The following HMCN1 variants were observed in gnomAD, a reference collection of about 807,000 sequenced individuals.
The protein encoded by HMCN1 is hemicentin-1.
Under a neutral mutation model 625.9 loss-of-function variants are expected in HMCN1, and 321 were observed. That is an observed-to-expected ratio of 0.51 (90% CI 0.47 to 0.56). The LOEUF (loss-of-function observed/expected upper bound fraction) is 0.56, where lower values mean the gene tolerates loss of function less well. Among genes scored for constraint, HMCN1 ranks in the 20% least tolerant of loss-of-function variants. The pLI is 0.00. For missense variants in HMCN1, 6,588 were observed against 6,887.3 expected (o/e 0.96, Z 1.54); for synonymous variants, 2,425 against 2,417.6 (o/e 1.00, Z -0.09).
chr1:185,970,244 C>A, intron 14 of HMCN1, 91 bp from the exon 15 acceptor site: 1 of 1,251,608 alleles, frequency 8.0e-7, no homozygotes, highest in Non-Finnish European at 1.2e-6. Context: ...TTGCAATCAA[C>A]TTTATTTGGA....
intron 58 of HMCN1, 58 bp downstream of exon 58, chr1:186,086,465 A>G (rs1659479452): frequency 6.5e-7 from 1 of 1,528,590 alleles, no homozygotes; most frequent in Non-Finnish European, 9.0e-7. Context: ...TTTAATACAA[A>G]CAGCATTTCA....
At chr1:186,137,049 A>T in intron 87 of HMCN1, 112 bp downstream of exon 87, 2 of 1,281,498 alleles carry the variant, frequency 1.6e-6, no homozygotes, top group Non-Finnish European at 2.2e-6. Flanking sequence ...ATACTTTTAG[A>T]TGATGGGGAG....
At chr1:185,886,707 GC>G (rs1315099613) in intron 4 of HMCN1, among the ~76,000 whole-genome samples, 1 of 151,570 alleles carries the variant, frequency 6.6e-6, no homozygotes, top group Non-Finnish European at 1.5e-5. Context: ...CAGCTCTCTT[GC>G]CCAAGTCTTC....
At chr1:186,174,910 A>G (rs768425357) in intron 103 of HMCN1, among the ~76,000 whole-genome samples, 1 of 152,222 alleles carries the variant, frequency 6.6e-6, no homozygotes, top group Non-Finnish European at 1.5e-5. Flanking sequence ...TTCTGATATA[A>G]TTGCCATCAC....
chr1:186,020,256 T>TAGATAGAC (rs1371899255), intron 35 of HMCN1, among the ~76,000 whole-genome samples: 2 of 151,742 alleles, frequency 1.3e-5, no homozygotes, highest in Non-Finnish European at 2.9e-5. Context: ...GATAGATAGA[T>TAGATAGAC]AGATAGATAG....
intron 1 of HMCN1, among the ~76,000 whole-genome samples, chr1:185,828,820 T>C (rs1024692465): frequency 6.6e-6 from 1 of 151,896 alleles, no homozygotes; most frequent in African/African-American, 2.4e-5. Context: ...AAAACAAAGG[T>C]AATATAAACA....
intron 105 of HMCN1, among the ~76,000 whole-genome samples, chr1:186,185,435 A>G (rs182851403): frequency 2.6e-5 from 4 of 152,352 alleles, no homozygotes; most frequent in African/African-American, 9.6e-5. Flanking sequence ...TGATAAAATC[A>G]TAATTAGAAA....
chr1:185,930,619 A>G (rs1470145043), intron 10 of HMCN1, among the ~76,000 whole-genome samples: 1 of 152,082 alleles, frequency 6.6e-6, no homozygotes, highest in Non-Finnish European at 1.5e-5. Flanking sequence ...TTCTACCAAT[A>G]TGTCGCCTCA....
At position 186,090,791 on chromosome 1, in the gene HMCN1, G is replaced by A. The variant is rs780103411; in HGVS notation, c.9761G>A (p.Ser3254Asn). The A allele has an allele frequency of 6.2e-7, 1 of 1,612,534 alleles. No homozygotes were observed. The highest frequency in any genetic ancestry group is 8.5e-7 in the Non-Finnish European group (1 of 1,179,016). ...PPSVAGAEIPSDVSVLLGENV... is the reference protein window; with the variant it reads ...PPSVAGAEIPNDVSVLLGENV... The stretch of plus-strand genomic sequence containing the variant: ...AGTGTTGCTGGTGCTGAAATTCCAA[G>A]TGATGTCAGTGTCCTTCTAGGAGAA... Residue 3254 changes from serine (S) to asparagine (N), a missense_variant, in exon 64 of 107, where the codon AGT becomes AAT. By Grantham distance (46) the Ser-to-Asn change is conservative (BLOSUM62 1). Coordinates refer to ENST00000271588, the MANE Select transcript of HMCN1 (RefSeq NM_031935.3).
intron 1 of HMCN1, among the ~76,000 whole-genome samples, chr1:185,835,273 G>A (rs1268280606): frequency 1.3e-5 from 2 of 152,190 alleles, no homozygotes; most frequent in African/African-American, 4.8e-5. Flanking sequence ...CAGTTGGTAT[G>A]GGTGCACTGA....
chr1:185,858,586 ATTTTTTTTTTTTTTTTTTTTTTTTTTTTT>A (rs71101980), intron 2 of HMCN1, among the ~76,000 whole-genome samples: 435 of 34,736 alleles, frequency 0.013, 8 homozygotes, highest in African/African-American at 0.045. Flanking sequence ...CACCCAGCTA[ATTTTTTTTTTTTTTTTTTTTTTTTTTTTT>A]TTTTTTTTTT....
intron 32 of HMCN1, 121 bp from the exon 33 acceptor site, chr1:186,016,842 A>C: frequency 1.4e-6 from 1 of 725,422 alleles, no homozygotes; most frequent in South Asian, 1.4e-5. Flanking sequence ...AGTCCCCTTC[A>C]TGTATCAAAC....
At chr1:185,966,829 A>G (rs1650439080) in intron 14 of HMCN1, among the ~76,000 whole-genome samples, 1 of 152,172 alleles carries the variant, frequency 6.6e-6, no homozygotes, top group African/African-American at 2.4e-5. Context: ...CTCTTAGGGA[A>G]CATGAGGTGA....
At position 186,112,854 on chromosome 1, in the gene HMCN1, C is replaced by G; in HGVS notation, c.11032C>G (p.Gln3678Glu). ...AATCCTATCTGGAGGGAGATACTTG[C>G]AAATCAACAATGCTGACCTAGGTGA... is the stretch of plus-strand genomic sequence containing the variant. ...VRILSGGRYL[Q>E]INNADLGDTA... The change falls in exon 72 of 107, where the codon CAA (glutamine) becomes GAA (glutamate). Residue 3678 changes from glutamine (Q) to glutamate (E), a missense_variant. By Grantham distance (29) the Gln-to-Glu change is conservative (BLOSUM62 2). This residue lies in a region of HMCN1 where 4,628 missense variants were observed against 4,853.1 expected (regional missense o/e 0.95). Transcript: ENST00000271588. The G allele has an allele frequency of 6.2e-7, 1 of 1,614,160 alleles. No homozygotes were observed. Among genetic ancestry groups the G allele is most frequent in the Non-Finnish European group, 8.5e-7 (1 of 1,180,022 alleles).
At position 186,007,211 on chromosome 1, in the gene HMCN1, A is replaced by T; in HGVS notation, c.4559A>T (p.Lys1520Met). The T allele has an allele frequency of 6.2e-7, 1 of 1,613,536 alleles. No homozygotes were observed. Among genetic ancestry groups the T allele is most frequent in the Non-Finnish European group, 8.5e-7 (1 of 1,179,536 alleles). ...LHLKNARRND[K>M]GRYQCTVSNA... The stretch of plus-strand genomic sequence containing the variant: ...TTAAAGAATGCACGGAGAAATGACA[A>T]GGGGCGCTACCAATGTACTGTGTCT... The change falls in exon 30 of 107, where the codon AAG (lysine) becomes ATG (methionine). Residue 1520 changes from lysine to methionine, a missense_variant. Around this residue, in one of 3 missense-constraint regions of HMCN1, gnomAD observed 4,628 missense variants for 4,853.1 expected, o/e 0.95. Transcript: ENST00000271588.
intron 63 of HMCN1, among the ~76,000 whole-genome samples, chr1:186,089,385 T>C (rs1228961600): frequency 1.3e-5 from 2 of 152,036 alleles, no homozygotes; most frequent in East Asian, 1.9e-4. Flanking sequence ...TCCAATCTTA[T>C]AGTTATTAGG....
chr1:186,087,800 C>A, intron 60 of HMCN1, 132 bp from the exon 61 acceptor site: 1 of 1,145,906 alleles, frequency 8.7e-7, no homozygotes, highest in Non-Finnish European at 1.3e-6. Flanking sequence ...TAAAAAATAG[C>A]AAGATTGCAG....
chr1:185,882,130 T>G (rs1461883750), intron 4 of HMCN1, among the ~76,000 whole-genome samples: 1 of 152,222 alleles, frequency 6.6e-6, no homozygotes, highest in Non-Finnish European at 1.5e-5. Flanking sequence ...ATTACATTTA[T>G]TTTTGTTTTA....
intron 61 of HMCN1, 40 bp from the exon 62 acceptor site, chr1:186,088,105 C>A (rs1659624727): frequency 1.2e-6 from 2 of 1,604,424 alleles, no homozygotes; most frequent in East Asian, 4.5e-5. Flanking sequence ...AAATGATTTT[C>A]TTCTGTTTTT....
Sources: allele counts gnomAD v4.1 joint callset (sites outside exome capture counted in the v4.1 genomes callset), GRCh38; gene constraint gnomAD v4.1.1; regional missense constraint gnomAD v4.1.1; transcripts MANE v1.5; gene names NCBI Gene and HGNC (gene_info 2026-07-23, HGNC 2026-07-21).